Variants in MED27 observed in about 807,000 individuals in gnomAD.
MED27 encodes mediator of RNA polymerase II transcription subunit 27.
MED27 carries 30 observed loss-of-function variants against 38.2 expected under a neutral mutation model. That is an observed-to-expected ratio of 0.79 (90% CI 0.59 to 1.07). The LOEUF is 1.07. Ranked by LOEUF, MED27 falls within the 50% of genes least tolerant of loss-of-function variation. MED27 has a pLI of 0.00. For missense variants in MED27, 289 were observed against 397.5 expected (o/e 0.73, Z 2.32); for synonymous variants, 122 against 153.5 (o/e 0.79, Z 1.52).
At chr9:131,922,086 G>A (rs902711629) in intron 4 of MED27, among the ~76,000 whole-genome samples, 38 of 151,462 alleles carry the variant, frequency 2.5e-4, no homozygotes, top group Admixed American at 2.0e-4. Flanking sequence ...ACGAGTTAAC[G>A]GATGCAGCAC....
At chr9:131,896,473 A>G (rs1829835093) in intron 4 of MED27, among the ~76,000 whole-genome samples, 1 of 152,204 alleles carries the variant, frequency 6.6e-6, no homozygotes, top group African/African-American at 2.4e-5. Context: ...AACACCAGAA[A>G]TTTTATATTC....
At chr9:132,019,234 A>G (rs972789550) in intron 2 of MED27, among the ~76,000 whole-genome samples, 2 of 152,188 alleles carry the variant, frequency 1.3e-5, no homozygotes, top group African/African-American at 2.4e-5. Context: ...TATTCTGTAC[A>G]ATGTCCAGGA....
At chr9:131,880,483 A>T (rs536415465) in intron 6 of MED27, among the ~76,000 whole-genome samples, 1 of 152,346 alleles carries the variant, frequency 6.6e-6, no homozygotes, top group African/African-American at 2.4e-5. Flanking sequence ...GGTCAATATC[A>T]GAGGTTAAGT....
intron 2 of MED27, among the ~76,000 whole-genome samples, chr9:132,019,220 A>C (rs1218198819): frequency 6.6e-6 from 1 of 152,052 alleles, no homozygotes; most frequent in Non-Finnish European, 1.5e-5. Context: ...GTTATTGATG[A>C]CTCTATTCTG....
At chr9:132,020,886 T>C (rs1337419107) in intron 2 of MED27, among the ~76,000 whole-genome samples, 4 of 152,210 alleles carry the variant, frequency 2.6e-5, no homozygotes, top group Non-Finnish European at 4.4e-5. Context: ...CTTGAGCTTT[T>C]ATGGGTAAAT....
intron 1 of MED27, among the ~76,000 whole-genome samples, chr9:132,078,732 T>C (rs544367586): frequency 6.6e-6 from 1 of 152,260 alleles, no homozygotes; most frequent in South Asian, 2.1e-4. Context: ...CACCAAATGC[T>C]TTCCCCTACT....
Position 131,877,996 on chromosome 9 carries a change from C to T in MED27, c.723+6062G>A, listed in dbSNP as rs182900143. Among the ~76,000 whole-genome samples the T allele has an allele frequency of 3.3e-3, 505 of 152,106 alleles. 17 individuals are homozygous for T. The South Asian group carries it at 0.07, about 21-fold the overall frequency. On this transcript the variant is annotated intron_variant, in intron 6 of 7. Coordinates refer to ENST00000292035, the MANE Select transcript of MED27 (RefSeq NM_004269.4). The stretch of plus-strand genomic sequence containing the variant: ...TGCATATTAAAAAGAATGAACAGGC[C>T]GGGCGCGGTGGCTCATGCCTATAAT...
chr9:131,974,560 A>C (rs1288216192), intron 3 of MED27, among the ~76,000 whole-genome samples: 1 of 152,252 alleles, frequency 6.6e-6, no homozygotes, highest in Non-Finnish European at 1.5e-5. Flanking sequence ...TCATTTAAAA[A>C]GTAAGGAAAC....
intron 3 of MED27, among the ~76,000 whole-genome samples, chr9:131,970,473 C>G (rs1168536517): frequency 6.6e-6 from 1 of 152,182 alleles, no homozygotes; most frequent in Non-Finnish European, 1.5e-5. Context: ...AACACTACAC[C>G]CAGTACTACA....
At chr9:132,027,977 G>A (rs999726817) in intron 2 of MED27, among the ~76,000 whole-genome samples, 5 of 152,142 alleles carry the variant, frequency 3.3e-5, no homozygotes, top group African/African-American at 1.2e-4. Context: ...ACCGGCCTAG[G>A]TGCCCATCTC....
chr9:131,944,376 C>T (rs901530813), intron 3 of MED27, among the ~76,000 whole-genome samples: 1 of 152,122 alleles, frequency 6.6e-6, no homozygotes, highest in African/African-American at 2.4e-5. Flanking sequence ...TGTTTCAAAT[C>T]CACTTACTAG....
intron 2 of MED27, among the ~76,000 whole-genome samples, chr9:132,033,678 T>C (rs1188824138): frequency 6.6e-6 from 1 of 152,260 alleles, no homozygotes; most frequent in African/African-American, 2.4e-5. Context: ...GAATGCTGCC[T>C]TCCTAAACTC....
chr9:131,867,627 G>A (rs1436743322), intron 6 of MED27, among the ~76,000 whole-genome samples: 1 of 152,224 alleles, frequency 6.6e-6, no homozygotes, highest in Non-Finnish European at 1.5e-5. Flanking sequence ...TGAAATGTTT[G>A]GGGACCAGCG....
intron 2 of MED27, among the ~76,000 whole-genome samples, chr9:132,067,932 T>G (rs895762732): frequency 5.9e-5 from 9 of 152,322 alleles, no homozygotes; most frequent in Admixed American, 5.9e-4. Context: ...CAGCATGGTC[T>G]CCATCTCCTG....
chr9:132,078,471 C>T (rs1172359655), intron 1 of MED27, among the ~76,000 whole-genome samples: 1 of 152,136 alleles, frequency 6.6e-6, no homozygotes, highest in Non-Finnish European at 1.5e-5. Flanking sequence ...ATAGCCAGTG[C>T]ATCCCCTGAA....
intron 4 of MED27, 36 bp from the exon 5 acceptor site, chr9:131,894,028 C>A (rs757481332): frequency 1.4e-5 from 21 of 1,544,816 alleles, no homozygotes; most frequent in Non-Finnish European, 1.9e-5. Flanking sequence ...CTTGAACACG[C>A]AAATCACACA....
intron 3 of MED27, among the ~76,000 whole-genome samples, chr9:131,973,715 C>A (rs1831538015): frequency 1.3e-5 from 2 of 151,582 alleles, no homozygotes; most frequent in South Asian, 2.1e-4. Context: ...TTACTGGATT[C>A]TTTTTTCTTC....
chr9:132,011,928 C>G (rs1425130396), intron 3 of MED27, among the ~76,000 whole-genome samples: 1 of 145,902 alleles, frequency 6.9e-6, no homozygotes, highest in Non-Finnish European at 1.5e-5. Flanking sequence ...TTTATAATGA[C>G]AGTTGTGAAC....
intron 3 of MED27, among the ~76,000 whole-genome samples, chr9:131,957,851 G>A (rs1248815036): frequency 6.6e-6 from 1 of 151,342 alleles, no homozygotes; most frequent in Non-Finnish European, 1.5e-5. Flanking sequence ...GGTCAAGGTG[G>A]GAGGATTGCT....
Sources: allele counts gnomAD v4.1 joint callset (sites outside exome capture counted in the v4.1 genomes callset), GRCh38; gene constraint gnomAD v4.1.1; transcripts MANE v1.5; gene names NCBI Gene and HGNC (gene_info 2026-07-23, HGNC 2026-07-21).